Variants in RAB27B observed in about 807,000 individuals in gnomAD.
RAB27B encodes ras-related protein Rab-27B.
A neutral mutation model predicts 24.6 loss-of-function variants in RAB27B; 15 were observed. The ratio of observed to expected loss-of-function variants is 0.61; its 90% CI spans 0.41 to 0.94. RAB27B has a LOEUF of 0.94. Ranked by LOEUF, RAB27B falls within the 40% of genes least tolerant of loss-of-function variation. RAB27B has a pLI of 0.00. For missense variants in RAB27B, 261 were observed against 266.8 expected, an observed-to-expected ratio of 0.98 and a Z score of 0.15; for synonymous variants, 105 against 92.5, an observed-to-expected ratio of 1.14 and a Z score of -0.78.
chr18:54,839,034 CA>C (rs1911004592), intron 1 of RAB27B, among the ~76,000 whole-genome samples: 1 of 151,960 alleles, frequency 6.6e-6, no homozygotes, highest in Non-Finnish European at 1.5e-5. Flanking sequence ...AAAAAGGATA[CA>C]AATATTGCTG....
At chr18:54,738,041 A>T (rs1166011026) in intron 2 of RAB27B, among the ~76,000 whole-genome samples, 1 of 152,118 alleles carries the variant, frequency 6.6e-6, no homozygotes, top group African/African-American at 2.4e-5. Flanking sequence ...AAAAAGAGAG[A>T]TGCCAGACTT....
In RAB27B at chr18:54,877,660, T is replaced by C; in HGVS notation, c.75T>C (p.Phe25=). The part of the protein sequence containing the change: ...LGDSGVGKTT[F]LYRYTDNKFN... ...ATTCAGGGGTGGGGAAGACAACATT[T>C]CTTTATAGATACACAGATAATAAAT... Residue 25 remains phenylalanine (F), a synonymous_variant, in exon 2 of 6, where the codon TTT becomes TTC. Transcript: ENST00000262094. 6.3e-7 allele frequency: 1 copy of C among 1,597,432 alleles called. No homozygotes were observed. Among genetic ancestry groups the C allele is most frequent in the Non-Finnish European group, 8.5e-7 (1 of 1,175,116 alleles).
intron 2 of RAB27B, among the ~76,000 whole-genome samples, chr18:54,720,725 G>A (rs913765782): frequency 2.6e-5 from 4 of 152,044 alleles, no homozygotes; most frequent in Admixed American, 1.3e-4. Context: ...GTCATCCAGG[G>A]ACCAATGGTA....
At chr18:54,794,134 C>T (rs1909339264) in intron 2 of RAB27B, among the ~76,000 whole-genome samples, 2 of 152,134 alleles carry the variant, frequency 1.3e-5, no homozygotes, top group South Asian at 4.1e-4. Flanking sequence ...TTCTATGCTT[C>T]AGTTTTTCTA....
intron 2 of RAB27B, among the ~76,000 whole-genome samples, chr18:54,773,616 T>C (rs1456693748): frequency 1.3e-5 from 2 of 151,958 alleles, no homozygotes; most frequent in Non-Finnish European, 2.9e-5. Context: ...TTCTTTGCCA[T>C]GAGGATTCAC....
At position 54,890,579 on chromosome 18, in the gene RAB27B, T is replaced by C. The variant is rs1217369147; in HGVS notation, c.*1166T>C. 2 of 152,214 alleles carry C rather than the reference T, an allele frequency of 1.3e-5. No homozygotes were observed. Among genetic ancestry groups the C allele is most frequent in the Non-Finnish European group, 2.9e-5 (2 of 68,026 alleles). The allele number at this position is 152,214 out of a possible 1,614,324, so 9.4% of individuals were successfully genotyped here. ...TTGCAGAAATGCAGGTGTGTTACTTTGTTGATCAATAACTTTGGAACAATT... is the reference window on the plus strand; with the variant it reads ...TTGCAGAAATGCAGGTGTGTTACTTCGTTGATCAATAACTTTGGAACAATT... On this transcript the variant is annotated 3_prime_UTR_variant, in exon 6 of 6. Coordinates refer to ENST00000262094, the MANE Select transcript of RAB27B (RefSeq NM_004163.4).
upstream of RAB27B, among the ~76,000 whole-genome samples, chr18:54,824,231 T>A (rs1377859213): frequency 5.3e-5 from 8 of 152,220 alleles, no homozygotes; most frequent in Non-Finnish European, 1.5e-5. Flanking sequence ...TCTATCATAA[T>A]GTTTCTTTTT....
At chr18:54,783,149 A>G (rs2145095392) in intron 2 of RAB27B, among the ~76,000 whole-genome samples, 1 of 151,882 alleles carries the variant, frequency 6.6e-6, no homozygotes, top group Middle Eastern at 3.4e-3. Flanking sequence ...TTTTATTTTT[A>G]TTAGAGACGG....
intron 2 of RAB27B, among the ~76,000 whole-genome samples, chr18:54,739,629 C>G (rs1334104833): frequency 6.9e-6 from 1 of 145,902 alleles, no homozygotes. Context: ...ATTTTTATTT[C>G]TCTTGGTGAA....
intron 2 of RAB27B, among the ~76,000 whole-genome samples, chr18:54,815,352 C>T (rs1435422459): frequency 6.6e-6 from 1 of 152,224 alleles, no homozygotes; most frequent in Non-Finnish European, 1.5e-5. Flanking sequence ...TTTGTGCAGA[C>T]ATAGCCATGT....
rs528275389 is a variant in RAB27B, at chr18:54,878,218, C to T, written c.153+480C>T. Among the ~76,000 whole-genome samples, 57 of 152,110 alleles carry T rather than the reference C, an allele frequency of 3.7e-4. 1 individual carries two copies. The highest frequency in any genetic ancestry group is 1.4e-3 in the African/African-American group (56 of 41,480). ...TGTAGACTCAGCCATCAATCACTGG[C>T]TTCTTATGAACAGAATGTGAGACCA... On this transcript the variant is annotated intron_variant, in intron 2 of 5. Transcript: ENST00000262094.
chr18:54,724,195 A>T (rs996529877), intron 2 of RAB27B, among the ~76,000 whole-genome samples: 25 of 151,694 alleles, frequency 1.6e-4, no homozygotes, highest in African/African-American at 6.0e-4. Flanking sequence ...GAAAAATTTT[A>T]AAAATTTTAG....
chr18:54,840,391 T>C (rs562119077), intron 1 of RAB27B, among the ~76,000 whole-genome samples: 69 of 152,306 alleles, frequency 4.5e-4, no homozygotes, highest in African/African-American at 1.6e-3. Context: ...AAATTACTGT[T>C]CCCAGTAAAT....
intron 2 of RAB27B, among the ~76,000 whole-genome samples, chr18:54,771,739 T>C (rs1908558683): frequency 6.6e-6 from 1 of 152,012 alleles, no homozygotes; most frequent in Non-Finnish European, 1.5e-5. Context: ...AGTGGCAAGG[T>C]AGTAGGGGAT....
intron 2 of RAB27B, among the ~76,000 whole-genome samples, chr18:54,804,802 C>T (rs1909717732): frequency 6.6e-6 from 1 of 152,046 alleles, no homozygotes; most frequent in Admixed American, 6.5e-5. Flanking sequence ...TTTCTTTCTG[C>T]TGTGGTCACT....
upstream of RAB27B, among the ~76,000 whole-genome samples, chr18:54,826,382 G>C (rs1910475892): frequency 6.6e-6 from 1 of 152,122 alleles, no homozygotes; most frequent in Non-Finnish European, 1.5e-5. Flanking sequence ...GGCCTTCATG[G>C]AGTGGCCAAG....
chr18:54,858,958 A>C (rs1911900510), intron 1 of RAB27B, among the ~76,000 whole-genome samples: 1 of 152,136 alleles, frequency 6.6e-6, no homozygotes, highest in African/African-American at 2.4e-5. Flanking sequence ...CTAAAATGTT[A>C]ACATTTACCT....
chr18:54,843,061 G>T (rs933158929), intron 1 of RAB27B, among the ~76,000 whole-genome samples: 1 of 152,182 alleles, frequency 6.6e-6, no homozygotes, highest in Admixed American at 6.5e-5. Context: ...CTCCCAAAGT[G>T]CTGGGATTAC....
chr18:54,878,164 T>C (rs1323262533), intron 2 of RAB27B, among the ~76,000 whole-genome samples: 1 of 152,220 alleles, frequency 6.6e-6, no homozygotes, highest in Non-Finnish European at 1.5e-5. Flanking sequence ...ACATGAGCTT[T>C]GTAAGCTCTT....
Sources: allele counts gnomAD v4.1 joint callset (sites outside exome capture counted in the v4.1 genomes callset), GRCh38; gene constraint gnomAD v4.1.1; transcripts MANE v1.5; gene names NCBI Gene and HGNC (gene_info 2026-07-23, HGNC 2026-07-21).